LYPLAL1: variants seen among roughly 807,000 people sequenced by gnomAD.
LYPLAL1 encodes lysophospholipase-like protein 1.
Under a neutral mutation model 19.7 loss-of-function variants are expected in LYPLAL1, and 23 were observed. The observed-to-expected ratio is 1.17, with a 90% confidence interval of 0.84 to 1.65. LYPLAL1 has a LOEUF of 1.65. LYPLAL1 is among the 40% of genes most tolerant of loss of function. The probability of loss-of-function intolerance (pLI) is 0.00; values close to 1 mark genes in which losing one functional copy is unlikely to be tolerated. For synonymous variants in LYPLAL1, 119 were observed against 96.3 expected, an observed-to-expected ratio of 1.24 and a Z score of -1.38; for missense variants, 355 against 279.4, an observed-to-expected ratio of 1.27 and a Z score of -1.93.
intron 4 of LYPLAL1, among the ~76,000 whole-genome samples, chr1:219,211,118 T>G (rs1354917179): frequency 6.6e-6 from 1 of 152,152 alleles, no homozygotes; most frequent in African/African-American, 2.4e-5. Flanking sequence ...AGATACAGAA[T>G]AGAGAACTAA....
At chr1:219,224,247 A>C in the LYPLAL1 span, among the ~76,000 whole-genome samples, 2 of 152,234 alleles carry the variant, frequency 1.3e-5, no homozygotes, top group African/African-American at 4.8e-5. Context: ...GGCAAGAGCA[A>C]ATATATGACT....
chr1:219,437,352 T>C, the LYPLAL1 span, among the ~76,000 whole-genome samples: 1 of 152,130 alleles, frequency 6.6e-6, no homozygotes, highest in Admixed American at 6.6e-5. Flanking sequence ...TCCTGTTTTC[T>C]TTCTCTCTTC....
At chr1:219,360,661 G>A in the LYPLAL1 span, among the ~76,000 whole-genome samples, 4 of 152,192 alleles carry the variant, frequency 2.6e-5, no homozygotes, top group South Asian at 2.1e-4. Context: ...GTGTGCTCAC[G>A]GGTATGTTTG....
At chr1:219,191,124 C>A (rs1266808276) in intron 2 of LYPLAL1, among the ~76,000 whole-genome samples, 1 of 151,612 alleles carries the variant, frequency 6.6e-6, no homozygotes, top group Non-Finnish European at 1.5e-5. Flanking sequence ...ACTGCTATTA[C>A]TGCTGTGGGC....
At chr1:219,282,508 C>CA in the LYPLAL1 span, among the ~76,000 whole-genome samples, 106,238 of 138,254 alleles carry the variant, frequency 0.77, 41,376 homozygotes, top group Non-Finnish European at 0.85. Flanking sequence ...CAATGAATGA[C>CA]AAAAAAAAAA....
Position 219,211,611 on chromosome 1 carries a change from G to A in LYPLAL1, c.597G>A (p.Val199=), listed in dbSNP as rs757322751. The change falls in exon 5 of 5, where the codon GTG becomes GTA. Residue 199 remains valine (V), a synonymous_variant. Coordinates refer to ENST00000366928, the MANE Select transcript of LYPLAL1 (RefSeq NM_138794.5). ...ETNSMLKSLG[V]TTKFHSFPNV... ...ACTCAATGTTAAAATCTCTAGGAGTGACCACGAAGTTTCATAGTTTTCCAA... is the reference window on the plus strand; with the variant it reads ...ACTCAATGTTAAAATCTCTAGGAGTAACCACGAAGTTTCATAGTTTTCCAA... 2 of 1,613,376 alleles carry A rather than the reference G, an allele frequency of 1.2e-6. No homozygotes were observed. Among genetic ancestry groups the A allele is most frequent in the South Asian group, 2.2e-5 (2 of 91,048 alleles).
At chr1:219,416,859 C>T in the LYPLAL1 span, among the ~76,000 whole-genome samples, 1 of 152,174 alleles carries the variant, frequency 6.6e-6, no homozygotes, top group Admixed American at 6.5e-5. Flanking sequence ...TGGACCAGAT[C>T]CTATTTTGGT....
At chr1:219,244,700 C>T in the LYPLAL1 span, among the ~76,000 whole-genome samples, 1 of 152,088 alleles carries the variant, frequency 6.6e-6, no homozygotes. Flanking sequence ...AATCCCAGCA[C>T]TTTGGGAAGC....
chr1:219,441,220 A>G, the LYPLAL1 span, among the ~76,000 whole-genome samples: 2 of 152,236 alleles, frequency 1.3e-5, no homozygotes, highest in African/African-American at 4.8e-5. Flanking sequence ...ATTTGAAGAT[A>G]TTTTATAAAT....
chr1:219,238,336 A>G, the LYPLAL1 span, among the ~76,000 whole-genome samples: 2 of 79,420 alleles, frequency 2.5e-5, no homozygotes, highest in Admixed American at 1.2e-4. Context: ...TTTTTTTAGT[A>G]GAGACGGGGT....
At chr1:219,338,989 A>G in the LYPLAL1 span, among the ~76,000 whole-genome samples, 3 of 152,094 alleles carry the variant, frequency 2.0e-5, no homozygotes, top group South Asian at 4.1e-4. Context: ...GTAAATATAT[A>G]TGTGTATTTA....
chr1:219,210,541 C>T lies in LYPLAL1; in HGVS notation c.371C>T (p.Ser124Phe), dbSNP rs773491056. Residue 124 changes from serine to phenylalanine, a missense_variant, in exon 4 of 5, where the codon TCT becomes TTT. Coordinates refer to ENST00000366928, the MANE Select transcript of LYPLAL1 (RefSeq NM_138794.5). ...ATGTTTTTGTTTTTAGGAGGATTCT[C>T]TATGGGAGGATGCATGGCAATACAT... Reference protein sequence around the residue: ...KKNRILIGGFSMGGCMAIHLA... With the variant: ...KKNRILIGGFFMGGCMAIHLA... 3 of 1,597,826 alleles carry T rather than the reference C, an allele frequency of 1.9e-6. No homozygotes were observed. The highest frequency in any genetic ancestry group is 2.3e-5 in the South Asian group (2 of 88,234).
intron 1 of LYPLAL1, 31 bp from the exon 2 acceptor site, chr1:219,179,112 ATATT>A: frequency 6.9e-7 from 1 of 1,447,876 alleles, no homozygotes; most frequent in South Asian, 1.2e-5. Flanking sequence ...TATTACTAAA[ATATT>A]TATTTTAATC....
chr1:219,289,056 G>C, the LYPLAL1 span, among the ~76,000 whole-genome samples: 1 of 148,422 alleles, frequency 6.7e-6, no homozygotes, highest in Admixed American at 6.8e-5. Context: ...GAAATGTGCT[G>C]GCACAAGTTA....
chr1:219,259,839 TAAAC>T, the LYPLAL1 span, among the ~76,000 whole-genome samples: 2 of 151,946 alleles, frequency 1.3e-5, no homozygotes, highest in Non-Finnish European at 2.9e-5. Context: ...ATTACTCAAT[TAAAC>T]AAAGTAGCTG....
chr1:219,239,164 T>C, the LYPLAL1 span, among the ~76,000 whole-genome samples: 1 of 152,242 alleles, frequency 6.6e-6, no homozygotes, highest in Non-Finnish European at 1.5e-5. Flanking sequence ...TTACTTTGTG[T>C]CAGGCACTGT....
the LYPLAL1 span, among the ~76,000 whole-genome samples, chr1:219,365,028 A>G: frequency 6.6e-6 from 1 of 152,028 alleles, no homozygotes; most frequent in Non-Finnish European, 1.5e-5. Context: ...AGATTTTTTT[A>G]ATTATTTTGT....
chr1:219,349,084 G>A, the LYPLAL1 span, among the ~76,000 whole-genome samples: 773 of 152,268 alleles, frequency 5.1e-3, 7 homozygotes, highest in African/African-American at 0.017. Flanking sequence ...GAGAGGTTAC[G>A]TAACTTGCTC....
At chr1:219,332,220 A>G in the LYPLAL1 span, among the ~76,000 whole-genome samples, 2 of 152,106 alleles carry the variant, frequency 1.3e-5, no homozygotes, top group Admixed American at 6.6e-5. Context: ...GGAGCTGGGG[A>G]TGTGGGATAA....
Sources: gnomAD v4.1 joint callset for allele counts (sites outside exome capture counted in the v4.1 genomes callset) on GRCh38, gnomAD v4.1.1 for gene constraint, MANE v1.5 for transcripts, NCBI Gene and HGNC (gene_info 2026-07-23, HGNC 2026-07-21) for gene names.